SUMF1: variants seen among roughly 807,000 people sequenced by gnomAD.
SUMF1 encodes sulfatase modifying factor 1.
Under a neutral mutation model 47.6 loss-of-function variants are expected in SUMF1, and 48 were observed. The ratio of observed to expected loss-of-function variants is 1.01; its 90% CI spans 0.80 to 1.28. The LOEUF is 1.28. Among genes scored for constraint, SUMF1 ranks in the 50% most tolerant of loss-of-function variants. The probability of loss-of-function intolerance (pLI) is 0.00; values close to 1 mark genes in which losing one functional copy is unlikely to be tolerated. For missense variants in SUMF1, 571 were observed against 485.4 expected (o/e 1.18, Z -1.66); for synonymous variants, 230 against 192.1 (o/e 1.20, Z -1.63).
chr3:4,163,745 A>G (rs1694636999), intron 8 of SUMF1, among the ~76,000 whole-genome samples: 2 of 152,004 alleles, frequency 1.3e-5, no homozygotes, highest in South Asian at 4.1e-4. Context: ...TTTCAATTTT[A>G]CCAGTCCACA....
At chr3:4,229,477 C>T (rs1211062987) in intron 8 of SUMF1, 3 of 215,446 alleles carry the variant, frequency 1.4e-5, no homozygotes, top group South Asian at 6.1e-5. Flanking sequence ...AACTATTGCA[C>T]CTCTCCAGGC....
chr3:4,428,536 T>C (rs1702137094), intron 3 of SUMF1, among the ~76,000 whole-genome samples: 2 of 152,128 alleles, frequency 1.3e-5, no homozygotes, highest in Non-Finnish European at 2.9e-5. Flanking sequence ...TCAATTTTTG[T>C]ACAGATGGAG....
intron 8 of SUMF1, among the ~76,000 whole-genome samples, chr3:4,285,155 A>T (rs997733317): frequency 1.9e-4 from 29 of 152,188 alleles, no homozygotes; most frequent in Non-Finnish European, 3.5e-4. Flanking sequence ...AATTATAATT[A>T]TAATAGGCAT....
chr3:4,076,183 A>G (rs999434719), intron 8 of SUMF1, among the ~76,000 whole-genome samples: 1 of 152,022 alleles, frequency 6.6e-6, no homozygotes, highest in African/African-American at 2.4e-5. Context: ...CAAAAATAAC[A>G]CCACACATCT....
chr3:4,194,846 C>A (rs1311769633), intron 8 of SUMF1, among the ~76,000 whole-genome samples: 1 of 152,116 alleles, frequency 6.6e-6, no homozygotes, highest in African/African-American at 2.4e-5. Flanking sequence ...ATGTTATTTA[C>A]TGATGACCCC....
chr3:4,166,699 C>T (rs996376484), intron 8 of SUMF1, among the ~76,000 whole-genome samples: 15 of 152,194 alleles, frequency 9.9e-5, no homozygotes, highest in African/African-American at 3.4e-4. Context: ...GACAGATGGG[C>T]GAGTCTCACT....
At chr3:4,166,845 T>C (rs907356770) in intron 8 of SUMF1, among the ~76,000 whole-genome samples, 2 of 152,072 alleles carry the variant, frequency 1.3e-5, no homozygotes, top group African/African-American at 4.8e-5. Context: ...CAGAAGCTGG[T>C]TCCAGGCAAA....
At chr3:4,042,352 T>TA (rs573302129) in intron 9 of SUMF1, among the ~76,000 whole-genome samples, 53 of 152,238 alleles carry the variant, frequency 3.5e-4, no homozygotes, top group Admixed American at 9.2e-4. Context: ...TGTTTGTTTT[T>TA]AAAAAAACCC....
rs139061904 is a variant in SUMF1, at chr3:4,288,721, G to C, written c.1014+87609C>G. Among the ~76,000 whole-genome samples, 413 of 151,586 alleles carry C rather than the reference G, an allele frequency of 2.7e-3. 3 individuals are homozygous for C. The highest frequency in any genetic ancestry group is 9.6e-3 in the African/African-American group (396 of 41,266). On this transcript the variant is annotated intron_variant and NMD_transcript_variant, in intron 8 of 12. Transcript: ENST00000448413. Reference sequence around the variant, plus strand: ...GGAGGCTGAGGCAGGAGAATTGCTTGAAACCTGGGAGGTGGAGGTTGCAGT... The same window carrying C: ...GGAGGCTGAGGCAGGAGAATTGCTTCAAACCTGGGAGGTGGAGGTTGCAGT...
intron 8 of SUMF1, among the ~76,000 whole-genome samples, chr3:4,325,724 T>A (rs1698931051): frequency 6.6e-6 from 1 of 152,138 alleles, no homozygotes; most frequent in Admixed American, 6.6e-5. Context: ...TAGTTTCTAG[T>A]GATTCCAACT....
intron 8 of SUMF1, among the ~76,000 whole-genome samples, chr3:4,078,164 G>A (rs1005236851): frequency 3.9e-5 from 6 of 151,976 alleles, no homozygotes; most frequent in African/African-American, 1.5e-4. Flanking sequence ...AAATCTTTTT[G>A]AAAGCAGGGT....
intron 8 of SUMF1, chr3:4,316,066 AAAG>A (rs1698629028): frequency 9.4e-6 from 5 of 534,068 alleles, no homozygotes; most frequent in South Asian, 2.5e-5. Context: ...AAAAAAAAAA[AAAG>A]TAACAGTTTT....
intron 8 of SUMF1, among the ~76,000 whole-genome samples, chr3:4,174,680 T>C (rs1340332112): frequency 1.3e-5 from 2 of 152,114 alleles, no homozygotes; most frequent in African/African-American, 4.8e-5. Flanking sequence ...TCATTGGGAC[T>C]GGTTGGACAG....
intron 1 of SUMF1, among the ~76,000 whole-genome samples, chr3:4,464,281 T>A (rs1323342347): frequency 1.3e-5 from 2 of 152,212 alleles, no homozygotes; most frequent in Non-Finnish European, 2.9e-5. Flanking sequence ...GTGGCCTTTT[T>A]TTTTTTGAGG....
chr3:4,066,310 C>A (rs927124009), intron 9 of SUMF1, among the ~76,000 whole-genome samples: 1 of 151,976 alleles, frequency 6.6e-6, no homozygotes, highest in Non-Finnish European at 1.5e-5. Context: ...TTTCATAAAA[C>A]GATCTTTTTT....
At chr3:4,122,179 C>A (rs895317344) in intron 8 of SUMF1, among the ~76,000 whole-genome samples, 1 of 151,924 alleles carries the variant, frequency 6.6e-6, no homozygotes, top group Non-Finnish European at 1.5e-5. Context: ...GCACTATTCA[C>A]AATAAGCAAA....
intron 8 of SUMF1, among the ~76,000 whole-genome samples, chr3:4,284,577 T>C (rs958707446): frequency 1.3e-5 from 2 of 152,034 alleles, no homozygotes; most frequent in Admixed American, 6.6e-5. Context: ...CCACATGTGA[T>C]TGATCCACTT....
At chr3:4,380,235 A>G (rs794209) in intron 7 of SUMF1, among the ~76,000 whole-genome samples, 47,191 of 152,146 alleles carry the variant, frequency 0.31, 8,251 homozygotes, top group Non-Finnish European at 0.41. Context: ...AATACTACAC[A>G]GCCATAAAAA....
intron 8 of SUMF1, among the ~76,000 whole-genome samples, chr3:4,112,312 G>A (rs1179597582): frequency 1.3e-5 from 2 of 152,120 alleles, no homozygotes; most frequent in Non-Finnish European, 2.9e-5. Flanking sequence ...TTATACACAT[G>A]CCAATGCTGA....
Sources: gnomAD v4.1 joint callset for allele counts (sites outside exome capture counted in the v4.1 genomes callset) on GRCh38, gnomAD v4.1.1 for gene constraint, MANE v1.5 for transcripts, NCBI Gene and HGNC (gene_info 2026-07-23, HGNC 2026-07-21) for gene names.